The following GNAQ variants were observed in gnomAD, a reference collection of about 807,000 sequenced individuals.
GNAQ encodes the protein G protein subunit alpha q.
GNAQ carries 8 observed loss-of-function variants against 43.9 expected under a neutral mutation model. The observed-to-expected ratio is 0.18, with a 90% CI of 0.11 to 0.33. GNAQ has a LOEUF of 0.33. Ranked by LOEUF, GNAQ falls within the 10% of genes least tolerant of loss-of-function variation. GNAQ has a pLI of 1.00. For missense variants in GNAQ, 158 were observed against 450.8 expected (o/e 0.35, Z 5.88); for synonymous variants, 155 against 170.7 (o/e 0.91, Z 0.71).
At chr9:78,014,593 C>A (rs1319919651) in intron 1 of GNAQ, among the ~76,000 whole-genome samples, 2 of 151,984 alleles carry the variant, frequency 1.3e-5, no homozygotes, top group Non-Finnish European at 2.9e-5. Flanking sequence ...GTGACAGAGC[C>A]AAACTCCGTC....
At chr9:78,013,036 A>T (rs1243386649) in intron 1 of GNAQ, among the ~76,000 whole-genome samples, 1 of 152,204 alleles carries the variant, frequency 6.6e-6, no homozygotes, top group African/African-American at 2.4e-5. Flanking sequence ...AAGAAGAGTA[A>T]ACTACTTCAG....
chr9:77,758,235 C>G (rs2118317779), intron 5 of GNAQ, among the ~76,000 whole-genome samples: 1 of 152,316 alleles, frequency 6.6e-6, no homozygotes, highest in Non-Finnish European at 1.5e-5. Context: ...AGTCTTTCCT[C>G]AAATTAACCT....
At chr9:77,832,623 T>A (rs1200426466) in intron 2 of GNAQ, among the ~76,000 whole-genome samples, 4 of 152,212 alleles carry the variant, frequency 2.6e-5, no homozygotes, top group Admixed American at 6.5e-5. Flanking sequence ...GTATCATCTG[T>A]CCCCCTTCTC....
At chr9:77,937,403 A>G (rs1277548269) in intron 1 of GNAQ, among the ~76,000 whole-genome samples, 1 of 152,108 alleles carries the variant, frequency 6.6e-6, no homozygotes, top group Non-Finnish European at 1.5e-5. Flanking sequence ...GCACCACTGC[A>G]TTCCAGCCTG....
intron 2 of GNAQ, among the ~76,000 whole-genome samples, chr9:77,824,161 T>C (rs1217506476): frequency 6.6e-6 from 1 of 152,208 alleles, no homozygotes; most frequent in Non-Finnish European, 1.5e-5. Flanking sequence ...TATTTAACTA[T>C]TTCATAGAAT....
At chr9:77,757,255 AAGC>A (rs1361081966) in intron 5 of GNAQ, among the ~76,000 whole-genome samples, 2 of 152,208 alleles carry the variant, frequency 1.3e-5, no homozygotes, top group African/African-American at 4.8e-5. Flanking sequence ...CACGACAAAC[AAGC>A]CCCAACTTTT....
chr9:77,976,741 G>A (rs1458822108), intron 1 of GNAQ, among the ~76,000 whole-genome samples: 1 of 152,132 alleles, frequency 6.6e-6, no homozygotes, highest in Non-Finnish European at 1.5e-5. Flanking sequence ...CGATTAGTTG[G>A]CAACATTTAA....
chr9:77,958,442 A>G (rs947162348), intron 1 of GNAQ, among the ~76,000 whole-genome samples: 3 of 152,212 alleles, frequency 2.0e-5, no homozygotes, highest in African/African-American at 7.2e-5. Context: ...ATAACAATAA[A>G]TGACTTTCAT....
chr9:77,851,794 C>A (rs548208891), intron 2 of GNAQ, among the ~76,000 whole-genome samples: 1 of 150,702 alleles, frequency 6.6e-6, no homozygotes, highest in African/African-American at 2.5e-5. Context: ...GCTGCAAAGA[C>A]CCCTTTTCTT....
intron 2 of GNAQ, among the ~76,000 whole-genome samples, chr9:77,907,032 AT>A (rs1828720910): frequency 6.6e-6 from 1 of 152,116 alleles, no homozygotes; most frequent in South Asian, 2.1e-4. Context: ...CTTTATATTT[AT>A]AAAATGTTTT....
chr9:77,913,516 A>G (rs1046824208), intron 2 of GNAQ, among the ~76,000 whole-genome samples: 1 of 152,216 alleles, frequency 6.6e-6, no homozygotes, highest in Non-Finnish European at 1.5e-5. Context: ...AGAGATAGAA[A>G]GCATTTTTAT....
chr9:77,758,202 T>A (rs916901925), intron 5 of GNAQ, among the ~76,000 whole-genome samples: 1 of 152,236 alleles, frequency 6.6e-6, no homozygotes, highest in Admixed American at 6.5e-5. Context: ...GCTTTCAGTT[T>A]TATTTTTACC....
At chr9:77,862,015 A>G (rs1256805812) in intron 2 of GNAQ, among the ~76,000 whole-genome samples, 4 of 151,070 alleles carry the variant, frequency 2.6e-5, no homozygotes, top group Admixed American at 6.6e-5. Flanking sequence ...GGGTAAAAAA[A>G]AAAAAAAAAA....
chr9:77,867,628 T>A (rs1827968711), intron 2 of GNAQ, among the ~76,000 whole-genome samples: 1 of 152,178 alleles, frequency 6.6e-6, no homozygotes, highest in African/African-American at 2.4e-5. Context: ...ATGCTTGGGC[T>A]TAAACCCAGG....
chr9:77,851,320 C>T (rs902876385), intron 2 of GNAQ, among the ~76,000 whole-genome samples: 3 of 152,066 alleles, frequency 2.0e-5, no homozygotes, highest in African/African-American at 7.2e-5. Flanking sequence ...AAACAGGATG[C>T]CTATTGTGTA....
chr9:77,735,409 CT>C (rs1825562053), intron 5 of GNAQ, among the ~76,000 whole-genome samples: 1 of 152,190 alleles, frequency 6.6e-6, no homozygotes, highest in African/African-American at 2.4e-5. Context: ...TTTGAAAAAT[CT>C]GAACATACTC....
intron 2 of GNAQ, among the ~76,000 whole-genome samples, chr9:77,869,064 A>T (rs1827994911): frequency 6.6e-6 from 1 of 152,194 alleles, no homozygotes; most frequent in South Asian, 2.1e-4. Context: ...AATATATTTC[A>T]TATTATGAAC....
At chr9:77,959,539 T>G in intron 1 of GNAQ, among the ~76,000 whole-genome samples, 1 of 152,212 alleles carries the variant, frequency 6.6e-6, no homozygotes, top group East Asian at 1.9e-4. Flanking sequence ...AAACTATCAT[T>G]TGCAAATTTC....
chr9:77,776,181 G>A (rs1826303908), intron 5 of GNAQ, among the ~76,000 whole-genome samples: 1 of 152,136 alleles, frequency 6.6e-6, no homozygotes, highest in Non-Finnish European at 1.5e-5. Flanking sequence ...CCCTTTTCCA[G>A]CTCTGCAATA....
Sources: gnomAD v4.1 joint callset for allele counts (sites outside exome capture counted in the v4.1 genomes callset) on GRCh38, gnomAD v4.1.1 for gene constraint, MANE v1.5 for transcripts, NCBI Gene and HGNC (gene_info 2026-07-23, HGNC 2026-07-21) for gene names.